The following PRRX1 variants were observed in gnomAD, a reference collection of about 807,000 sequenced individuals.
PRRX1 encodes the protein paired mesoderm homeobox protein 1.
A neutral mutation model predicts 24.0 loss-of-function variants in PRRX1; 8 were observed. The ratio of observed to expected loss-of-function variants is 0.33; its 90% CI spans 0.20 to 0.60. The LOEUF (loss-of-function observed/expected upper bound fraction) is 0.60. Among genes scored for constraint, PRRX1 ranks in the 20% least tolerant of loss-of-function variants. The pLI is 0.82. For missense variants in PRRX1, 281 were observed against 322.4 expected (o/e 0.87, Z 0.98); for synonymous variants, 160 against 131.7 (o/e 1.22, Z -1.47).
chr1:170,691,497 T>TTTCCC (rs1653949748), intron 1 of PRRX1, among the ~76,000 whole-genome samples: 1 of 143,312 alleles, frequency 7.0e-6, no homozygotes, highest in African/African-American at 2.6e-5. Context: ...TTTCCTTTCC[T>TTTCCC]TTCCTTTCCT....
At chr1:170,732,001 T>C (rs149096841) in intron 3 of PRRX1, among the ~76,000 whole-genome samples, 16 of 152,298 alleles carry the variant, frequency 1.1e-4, no homozygotes, top group African/African-American at 3.6e-4. Context: ...AGAACTTATG[T>C]CTGTACCCCA....
chr1:170,690,123 TC>T (rs5778676), intron 1 of PRRX1, among the ~76,000 whole-genome samples: 45,284 of 149,736 alleles, frequency 0.3, 7,966 homozygotes, highest in Middle Eastern at 0.49. Context: ...ACTCCTCCCC[TC>T]CCCCCCCATT....
intron 1 of PRRX1, among the ~76,000 whole-genome samples, chr1:170,696,148 G>A (rs1365576283): frequency 6.6e-6 from 1 of 152,162 alleles, no homozygotes; most frequent in Non-Finnish European, 1.5e-5. Context: ...GCAAAGGAGA[G>A]AGTGACACAT....
At chr1:170,706,884 T>G (rs545262730) in intron 1 of PRRX1, among the ~76,000 whole-genome samples, 2 of 151,942 alleles carry the variant, frequency 1.3e-5, no homozygotes, top group Non-Finnish European at 1.5e-5. Flanking sequence ...ATCTCAACAC[T>G]TTGGGAGGCT....
intron 1 of PRRX1, among the ~76,000 whole-genome samples, chr1:170,714,686 A>G (rs1654851823): frequency 6.6e-6 from 1 of 152,184 alleles, no homozygotes; most frequent in Admixed American, 6.5e-5. Flanking sequence ...GCATGGCAAG[A>G]GCAAGGCCTT....
intron 2 of PRRX1, among the ~76,000 whole-genome samples, chr1:170,720,625 C>T (rs747086079): frequency 3.2e-4 from 48 of 152,150 alleles, no homozygotes; most frequent in Non-Finnish European, 6.2e-4. Context: ...AGCTCTCCTC[C>T]CCAGTCTTCA....
intron 3 of PRRX1, among the ~76,000 whole-genome samples, chr1:170,729,954 G>C (rs1276287637): frequency 6.6e-6 from 1 of 152,174 alleles, no homozygotes; most frequent in Non-Finnish European, 1.5e-5. Flanking sequence ...GTGCTTCGTG[G>C]GTAGCAGTGA....
rs1227360921 is a variant in PRRX1, at chr1:170,737,393, A to C, written c.*1207A>C. ...CATTTTCACATTAGGGCTTTAAATG[A>C]ATTAGAAACTATTTGAGGCTATAAA... On this transcript the variant is annotated 3_prime_UTR_variant, in exon 4 of 4. Transcript: ENST00000239461. 5.2e-6 allele frequency: 1 copy of C among 193,912 alleles called. No homozygotes were observed. The highest frequency in any genetic ancestry group is 6.1e-5 in the Admixed American group (1 of 16,364). 12.0% of individuals were successfully genotyped at this position (193,912 alleles called of 1,614,324 possible).
At chr1:170,730,454 GA>G in intron 3 of PRRX1, 1 of 936,724 alleles carries the variant, frequency 1.1e-6, no homozygotes, top group Non-Finnish European at 1.7e-6. Context: ...TTTCAGCAGT[GA>G]AGTCCTCAAG....
chr1:170,667,703 T>C (rs1652991888), intron 1 of PRRX1: 1 of 152,218 alleles, frequency 6.6e-6, no homozygotes, highest in Admixed American at 6.5e-5. Flanking sequence ...TGGCGCTCTT[T>C]GTATCCCGCT....
chr1:170,720,696 T>A (rs1289922501), intron 2 of PRRX1, among the ~76,000 whole-genome samples: 2 of 152,206 alleles, frequency 1.3e-5, no homozygotes, highest in Non-Finnish European at 2.9e-5. Flanking sequence ...TGAATACTTA[T>A]GAACTGAGTT....
chr1:170,674,727 A>G (rs1421312408), intron 1 of PRRX1, among the ~76,000 whole-genome samples: 4 of 147,396 alleles, frequency 2.7e-5, no homozygotes, highest in Non-Finnish European at 4.5e-5. Context: ...CCTCCTCCCC[A>G]TCTCTGTTTT....
chr1:170,663,313 T>C (rs1327989964), upstream of PRRX1: 2 of 152,126 alleles, frequency 1.3e-5, no homozygotes, highest in Non-Finnish European at 2.9e-5. Context: ...TCTCCAATTT[T>C]CTTGTATTCC....
At chr1:170,669,450 A>AAAAAAAAAAAAAAAAAAAC (rs1407272797) in intron 1 of PRRX1, 1 of 148,184 alleles carries the variant, frequency 6.7e-6, no homozygotes, top group African/African-American at 2.5e-5. Flanking sequence ...AAAAAAAAAA[A>AAAAAAAAAAAAAAAAAAAC]AAAATTCAGA....
chr1:170,690,095 A>G (rs765289127), intron 1 of PRRX1, among the ~76,000 whole-genome samples: 71 of 150,374 alleles, frequency 4.7e-4, no homozygotes, highest in Admixed American at 1.4e-3. Flanking sequence ...TTAGCATTTC[A>G]CTGTATATAA....
chr1:170,696,561 C>T (rs1047856468), intron 1 of PRRX1, among the ~76,000 whole-genome samples: 9 of 152,260 alleles, frequency 5.9e-5, no homozygotes, highest in East Asian at 3.9e-4. Context: ...GCAAAGAACA[C>T]ATTTTGCCAT....
chr1:170,721,782 G>A lies in PRRX1; in HGVS notation c.417+1881G>A, dbSNP rs147910405. ...ACCCTCTTCCTCAACACTGCTTACC[G>A]CAAATCTCTAACTCTGCTGTTAAAT... On this transcript the variant is annotated intron_variant, in intron 2 of 3. Transcript: ENST00000239461. Among the ~76,000 whole-genome samples, 582 of 152,180 alleles carry A rather than the reference G, an allele frequency of 3.8e-3. 4 individuals carry two copies. Among genetic ancestry groups the A allele is most frequent in the African/African-American group, 0.013 (551 of 41,506 alleles).
chr1:170,726,422 C>T, intron 3 of PRRX1, 21 bp downstream of exon 3: 1 of 1,610,010 alleles, frequency 6.2e-7, no homozygotes, highest in South Asian at 1.1e-5. Context: ...GGCCCACTCT[C>T]CCTTGCTCCA....
At chr1:170,684,906 G>A (rs1454510176) in intron 1 of PRRX1, among the ~76,000 whole-genome samples, 1 of 152,210 alleles carries the variant, frequency 6.6e-6, no homozygotes, top group Admixed American at 6.5e-5. Context: ...ATTTGGCAAA[G>A]GATAAGTTAT....
Sources: allele counts gnomAD v4.1 joint callset (sites outside exome capture counted in the v4.1 genomes callset), GRCh38; gene constraint gnomAD v4.1.1; transcripts MANE v1.5; gene names NCBI Gene and HGNC (gene_info 2026-07-23, HGNC 2026-07-21).